ZNF23: variants seen among roughly 807,000 people sequenced by gnomAD.
The protein encoded by ZNF23 is zinc finger protein 23.
A neutral mutation model predicts 56.2 loss-of-function variants in ZNF23; 48 were observed. The observed-to-expected ratio is 0.85, with a 90% CI of 0.68 to 1.09. The LOEUF is 1.09. Among genes scored for constraint, ZNF23 ranks in the 50% least tolerant of loss-of-function variants. The pLI is 0.00. For synonymous variants in ZNF23, 266 were observed against 283.3 expected, an observed-to-expected ratio of 0.94 and a Z score of 0.61; for missense variants, 805 against 811.4, an observed-to-expected ratio of 0.99 and a Z score of 0.10.
rs191593143 is a variant in ZNF23, at chr16:71,457,972, G to A, written c.-32-1144C>T. 2.0e-5 allele frequency among the ~76,000 whole-genome samples: 3 copies of A among 152,268 alleles called. No homozygotes were observed. The East Asian group carries it at 5.8e-4, about 30-fold the overall frequency. Reference sequence around the variant, plus strand: ...GAGGCAGCGCCTGGAGAAGGCAGCTGCCCCCCAGTATCCTGCCCCACTTCC... The same window carrying A: ...GAGGCAGCGCCTGGAGAAGGCAGCTACCCCCCAGTATCCTGCCCCACTTCC... On this transcript the variant is annotated intron_variant, in intron 1 of 4. Transcript: ENST00000647773.
intron 3 of ZNF23, 24 bp downstream of exon 3, chr16:71,454,018 G>A (rs1308048480): frequency 6.2e-7 from 1 of 1,613,756 alleles, no homozygotes; most frequent in East Asian, 2.2e-5. Flanking sequence ...CAGATTCCAG[G>A]TTCCCAGGGT....
rs750182450 is a variant in ZNF23, at chr16:71,449,838, T to C, written c.316A>G (p.Lys106Glu). The C allele has an allele frequency of 6.2e-7, 1 of 1,611,860 alleles. No individual in the cohort carries two copies. The highest frequency in any genetic ancestry group is 1.1e-5 in the South Asian group (1 of 90,292). ...TGAAGTTCAAATGATACATTCTCTT[T>C]TCCTTCATACATTTCCTTTGTCAAA... ...NDLTKEMYEG[K>E]ENVSFELQRD... The change falls in exon 5 of 5, where the codon AAA becomes GAA. Residue 106 changes from lysine (K) to glutamate (E), a missense_variant. By Grantham distance (56) the Lys-to-Glu change is moderately conservative. Transcript: ENST00000647773.
chr16:71,450,652 G>A (rs978424346), intron 4 of ZNF23: 1 of 432,632 alleles, frequency 2.3e-6, no homozygotes, highest in Non-Finnish European at 4.7e-6. Flanking sequence ...CCGGGAAACG[G>A]AAGTTGCGGT....
chr16:71,450,184 CAGAT>C (rs1164770075), intron 4 of ZNF23: 7 of 223,040 alleles, frequency 3.1e-5, no homozygotes, highest in Non-Finnish European at 6.0e-5. Flanking sequence ...ATATAAAAGA[CAGAT>C]ATATATATTT....
chr16:71,450,331 T>A (rs111909558), intron 4 of ZNF23: 3,103 of 157,016 alleles, frequency 0.02, 101 homozygotes, highest in African/African-American at 0.075. Context: ...ATGAAAGTAA[T>A]GAAAAGCAAT....
intron 4 of ZNF23, chr16:71,450,526 C>G: frequency 6.8e-6 from 2 of 292,362 alleles, no homozygotes; most frequent in South Asian, 5.3e-5. Flanking sequence ...TGCAACCAGC[C>G]TGGGCAACAC....
chr16:71,453,590 G>A, intron 3 of ZNF23: 1 of 507,806 alleles, frequency 2.0e-6, no homozygotes, highest in Admixed American at 3.3e-5. Flanking sequence ...GGAACGTGTG[G>A]GAGAGCCTGG....
chr16:71,448,844 C>T lies in ZNF23; in HGVS notation c.1310G>A (p.Cys437Tyr). 2 of 1,614,208 alleles carry T rather than the reference C, an allele frequency of 1.2e-6. No homozygotes were observed. Among genetic ancestry groups the T allele is most frequent in the African/African-American group, 2.7e-5 (2 of 75,040 alleles). The part of the protein sequence containing the change: ...RIHTGEKPYE[C>Y]TECGKAFSVK... Reference sequence around the variant, plus strand: ...ACTGAAGGCTTTTCCACATTCAGTGCATTCATAGGGTTTCTCACCTGTGTG... The same window carrying T: ...ACTGAAGGCTTTTCCACATTCAGTGTATTCATAGGGTTTCTCACCTGTGTG... Residue 437 changes from cysteine (C) to tyrosine (Y), a missense_variant, in exon 5 of 5, where the codon TGC becomes TAC. Physicochemically the swap from Cys to Tyr is radical, Grantham distance 194. Coordinates refer to ENST00000647773, the MANE Select transcript of ZNF23 (RefSeq NM_001381984.1).
At chr16:71,459,856 T>A (rs1457428563) in intron 1 of ZNF23, among the ~76,000 whole-genome samples, 1 of 152,192 alleles carries the variant, frequency 6.6e-6, no homozygotes, top group Non-Finnish European at 1.5e-5. Flanking sequence ...CATGTCCATT[T>A]AAAAAAATAT....
intron 2 of ZNF23, 27 bp from the exon 3 acceptor site, chr16:71,454,195 A>C: frequency 1.2e-6 from 2 of 1,605,706 alleles, no homozygotes; most frequent in Non-Finnish European, 1.7e-6. Context: ...CTGCTGCCCT[A>C]GGGCCAATTC....
At position 71,447,802 on chromosome 16, in the gene ZNF23, A is replaced by G. The variant is rs546548148; in HGVS notation, c.*291T>C. On this transcript the variant is annotated 3_prime_UTR_variant, in exon 5 of 5. Transcript: ENST00000647773. Reference sequence around the variant, plus strand: ...AGTGAAGACTTAAATTTCTCCATACAAGTCCTCCATAACTGTTTATTTCTA... The same window carrying G: ...AGTGAAGACTTAAATTTCTCCATACGAGTCCTCCATAACTGTTTATTTCTA... 77 of 220,460 alleles carry G rather than the reference A, an allele frequency of 3.5e-4. No homozygotes were observed. The highest frequency in any genetic ancestry group is 1.6e-3 in the African/African-American group (70 of 44,206). 13.7% of individuals were successfully genotyped at this position (220,460 alleles called of 1,614,324 possible). A position where few individuals can be genotyped will look rare whatever the true frequency, so the allele number is the denominator to read the frequency against.
intron 2 of ZNF23, 68 bp from the exon 3 acceptor site, chr16:71,454,236 C>A: frequency 2.6e-6 from 4 of 1,559,392 alleles, no homozygotes; most frequent in Non-Finnish European, 3.5e-6. Context: ...AGGGGCAGAG[C>A]GCAGTATAAG....
chr16:71,453,389 A>C (rs971476571), intron 3 of ZNF23, 39 bp from the exon 4 acceptor site: 2 of 1,440,340 alleles, frequency 1.4e-6, no homozygotes, highest in Admixed American at 3.9e-5. Context: ...CAGATGAATA[A>C]ACTCCCACAG....
intron 1 of ZNF23, among the ~76,000 whole-genome samples, chr16:71,460,127 G>A (rs920961966): frequency 2.0e-5 from 3 of 152,148 alleles, no homozygotes; most frequent in Admixed American, 1.3e-4. Flanking sequence ...AAGTCTCATC[G>A]TTTAAATGCA....
rs1476658769 is a variant in ZNF23, at chr16:71,454,048, A to G, written c.154T>C (p.Ser52Pro). The change falls in exon 3 of 5, where the codon TCC (serine) becomes CCC (proline). Residue 52 changes from serine to proline, a missense_variant. Physicochemically the swap from Ser to Pro is moderately conservative, Grantham distance 74. Coordinates refer to ENST00000647773, the MANE Select transcript of ZNF23 (RefSeq NM_001381984.1). Reference protein sequence around the residue: ...VMLENYGNVASLGFPLLKPAV... With the variant: ...VMLENYGNVAPLGFPLLKPAV... Reference sequence around the variant, plus strand: ...CAGGGTAGAGAGGTCTTACCCAGGGAGGCCACATTCCCATAATTCTCCAGC... The same window carrying G: ...CAGGGTAGAGAGGTCTTACCCAGGGGGGCCACATTCCCATAATTCTCCAGC... 6.2e-7 allele frequency: 1 copy of G among 1,614,034 alleles called. No individual in the cohort carries two copies. The highest frequency in any genetic ancestry group is 8.5e-7 in the Non-Finnish European group (1 of 1,180,032).
chr16:71,461,292 A>G (rs1223138319), intron 1 of ZNF23, among the ~76,000 whole-genome samples: 1 of 151,946 alleles, frequency 6.6e-6, no homozygotes, highest in East Asian at 1.9e-4. Context: ...ATATAAATAT[A>G]TATTTTAAAT....
intron 4 of ZNF23, chr16:71,450,409 A>T (rs2043014699): frequency 4.8e-6 from 1 of 206,584 alleles, no homozygotes; most frequent in Admixed American, 5.9e-5. Flanking sequence ...TAGAGAACAT[A>T]ACCAATCACA....
intron 2 of ZNF23, among the ~76,000 whole-genome samples, chr16:71,454,572 T>C (rs1295846805): frequency 1.3e-5 from 2 of 152,066 alleles, no homozygotes; most frequent in Non-Finnish European, 2.9e-5. Context: ...CCCATCGCCC[T>C]CATCCTCACA....
chr16:71,460,732 AAGAT>A (rs2043414290), intron 1 of ZNF23, among the ~76,000 whole-genome samples: 1 of 152,240 alleles, frequency 6.6e-6, no homozygotes, highest in African/African-American at 2.4e-5. Flanking sequence ...AAATCAAAGA[AAGAT>A]AAACACACTG....
Sources: gnomAD v4.1 joint callset for allele counts (sites outside exome capture counted in the v4.1 genomes callset) on GRCh38, gnomAD v4.1.1 for gene constraint, MANE v1.5 for transcripts, NCBI Gene and HGNC (gene_info 2026-07-23, HGNC 2026-07-21) for gene names.